Variants in CADM2 observed in about 807,000 individuals in gnomAD.
CADM2 encodes the protein cell adhesion molecule 2, also known as immunoglobulin superfamily member 4D.
Under a neutral mutation model 49.8 loss-of-function variants are expected in CADM2, and 12 were observed. That is an observed-to-expected ratio of 0.24 (90% CI 0.15 to 0.39). The LOEUF (loss-of-function observed/expected upper bound fraction) is 0.39. Ranked by LOEUF, CADM2 falls within the 10% of genes least tolerant of loss-of-function variation. The pLI is 1.00. For missense variants in CADM2, 378 were observed against 492.3 expected (o/e 0.77, Z 2.20); for synonymous variants, 214 against 175.4 (o/e 1.22, Z -1.74).
At chr3:85,519,276 C>T (rs981927115) in intron 1 of CADM2, among the ~76,000 whole-genome samples, 2 of 152,068 alleles carry the variant, frequency 1.3e-5, no homozygotes, top group African/African-American at 4.8e-5. Flanking sequence ...ATTTGATAAT[C>T]CTTTACAAAG....
At chr3:85,434,159 CA>C (rs1216584008) in intron 1 of CADM2, among the ~76,000 whole-genome samples, 2 of 151,748 alleles carry the variant, frequency 1.3e-5, no homozygotes, top group African/African-American at 2.4e-5. Context: ...ATATTATTTT[CA>C]GTAGAAAGAA....
At chr3:85,446,228 G>T (rs2107554511) in intron 1 of CADM2, among the ~76,000 whole-genome samples, 1 of 152,250 alleles carries the variant, frequency 6.6e-6, no homozygotes, top group Admixed American at 6.5e-5. Context: ...AATGAAAAAT[G>T]AACTGTATTA....
At chr3:85,390,079 C>T (rs199772864) in intron 1 of CADM2, among the ~76,000 whole-genome samples, 2 of 151,754 alleles carry the variant, frequency 1.3e-5, no homozygotes, top group Non-Finnish European at 2.9e-5. Context: ...ATATGAAAAA[C>T]ACAATAAAAA....
intron 1 of CADM2, among the ~76,000 whole-genome samples, chr3:85,665,091 G>A (rs1436211836): frequency 6.6e-6 from 1 of 151,902 alleles, no homozygotes; most frequent in Non-Finnish European, 1.5e-5. Flanking sequence ...AAGTGCATTA[G>A]GAGCTGTTAT....
At chr3:85,293,917 T>C (rs1473027546) in intron 1 of CADM2, among the ~76,000 whole-genome samples, 6 of 152,062 alleles carry the variant, frequency 3.9e-5, no homozygotes, top group African/African-American at 1.2e-4. Context: ...CTATTCAACA[T>C]AGTGTTGGAA....
chr3:85,881,382 G>A (rs1403473014), intron 3 of CADM2, among the ~76,000 whole-genome samples: 1 of 151,954 alleles, frequency 6.6e-6, no homozygotes, highest in African/African-American at 2.4e-5. Flanking sequence ...ATTCATCTCA[G>A]TATAGGCATC....
chr3:85,292,231 A>G (rs1297299670), intron 1 of CADM2, among the ~76,000 whole-genome samples: 3 of 149,530 alleles, frequency 2.0e-5, no homozygotes, highest in East Asian at 1.9e-4. Flanking sequence ...TTCAACAAGA[A>G]GAGCTAACTA....
At chr3:85,147,057 G>A (rs777456777) in intron 1 of CADM2, among the ~76,000 whole-genome samples, 4 of 152,024 alleles carry the variant, frequency 2.6e-5, no homozygotes, top group Non-Finnish European at 4.4e-5. Flanking sequence ...CGGATCACCT[G>A]AGGTCAGGAG....
At chr3:85,459,222 C>T (rs992227272) in intron 1 of CADM2, among the ~76,000 whole-genome samples, 17 of 152,150 alleles carry the variant, frequency 1.1e-4, no homozygotes, top group African/African-American at 2.4e-4. Context: ...GGCAAGATGG[C>T]TGCAGAAGCT....
At chr3:85,960,371 G>T (rs966879489) in intron 7 of CADM2, among the ~76,000 whole-genome samples, 4 of 151,782 alleles carry the variant, frequency 2.6e-5, no homozygotes, top group African/African-American at 9.7e-5. Context: ...AAGCTTTTGA[G>T]AAAATGATTC....
intron 1 of CADM2, among the ~76,000 whole-genome samples, chr3:84,976,551 T>C (rs2031833029): frequency 6.6e-6 from 1 of 151,762 alleles, no homozygotes; most frequent in Admixed American, 6.6e-5. Flanking sequence ...ACCACTTATA[T>C]TTGGTGATAA....
chr3:85,438,832 C>A (rs942457758), intron 1 of CADM2, among the ~76,000 whole-genome samples: 1 of 151,908 alleles, frequency 6.6e-6, no homozygotes, highest in Admixed American at 6.6e-5. Context: ...GCCACCATAC[C>A]TGGATAATAT....
chr3:86,005,351 G>A (rs1165921419), intron 8 of CADM2, among the ~76,000 whole-genome samples: 2 of 152,080 alleles, frequency 1.3e-5, no homozygotes, highest in African/African-American at 4.8e-5. Context: ...AGGAGTTTGA[G>A]ACCAGCCTGG....
intron 1 of CADM2, among the ~76,000 whole-genome samples, chr3:85,011,897 T>G (rs1037204376): frequency 6.6e-6 from 1 of 151,962 alleles, no homozygotes; most frequent in Non-Finnish European, 1.5e-5. Context: ...AAAATAAAAC[T>G]TAAGATATGT....
chr3:85,071,760 C>T (rs2036752073), intron 1 of CADM2, among the ~76,000 whole-genome samples: 1 of 151,858 alleles, frequency 6.6e-6, no homozygotes, highest in Non-Finnish European at 1.5e-5. Context: ...ATAGATTTAA[C>T]TGAAAATAAA....
At chr3:85,851,857 G>A (rs1328157173) in intron 3 of CADM2, among the ~76,000 whole-genome samples, 3 of 151,960 alleles carry the variant, frequency 2.0e-5, no homozygotes, top group Non-Finnish European at 4.4e-5. Flanking sequence ...AACAACTTAG[G>A]TGATGGGGAT....
chr3:85,228,307 G>A lies in CADM2; in HGVS notation c.61+268639G>A, dbSNP rs757996662. Among the ~76,000 whole-genome samples, 63 of 151,968 alleles carry A rather than the reference G, an allele frequency of 4.1e-4. 2 individuals carry two copies. Among genetic ancestry groups the A allele is most frequent in the Admixed American group, 5.3e-4 (8 of 15,236 alleles). ...TTTTCACACAGTCCTGTATTTCGTG[G>A]AAGCTTTGTTCACTTCTTTTCACTC... On this transcript the variant is annotated intron_variant, in intron 1 of 9. Coordinates refer to ENST00000383699, the MANE Select transcript of CADM2 (RefSeq NM_001167675.2).
chr3:85,446,914 T>C (rs2037484356), intron 1 of CADM2, among the ~76,000 whole-genome samples: 1 of 147,636 alleles, frequency 6.8e-6, no homozygotes, highest in Non-Finnish European at 1.5e-5. Flanking sequence ...GAACGATTTT[T>C]AGTGCCTCTT....
At chr3:85,706,697 G>A (rs1007212217) in intron 1 of CADM2, among the ~76,000 whole-genome samples, 1 of 152,082 alleles carries the variant, frequency 6.6e-6, no homozygotes, top group African/African-American at 2.4e-5. Flanking sequence ...AACTGAATAA[G>A]CAATTTATAA....
Sources: allele counts gnomAD v4.1 joint callset (sites outside exome capture counted in the v4.1 genomes callset), GRCh38; gene constraint gnomAD v4.1.1; transcripts MANE v1.5; gene names NCBI Gene and HGNC (gene_info 2026-07-23, HGNC 2026-07-21).